The following PSD3 variants were observed in gnomAD, a reference collection of about 807,000 sequenced individuals.
PSD3 encodes the protein pleckstrin and Sec7 domain containing 3.
PSD3 carries 49 observed loss-of-function variants against 105.5 expected under a neutral mutation model. The ratio of observed to expected loss-of-function variants is 0.46; its 90% CI spans 0.37 to 0.59. PSD3 has a LOEUF of 0.59. Among genes scored for constraint, PSD3 ranks in the 20% least tolerant of loss-of-function variants. PSD3 has a pLI of 0.00. For synonymous variants in PSD3, 557 were observed against 457.8 expected, an observed-to-expected ratio of 1.22 and a Z score of -2.77; for missense variants, 1,561 against 1,263.8, an observed-to-expected ratio of 1.24 and a Z score of -3.57.
At chr8:18,859,623 T>G (rs1423003468) in intron 4 of PSD3, among the ~76,000 whole-genome samples, 1 of 152,266 alleles carries the variant, frequency 6.6e-6, no homozygotes, top group Non-Finnish European at 1.5e-5. Context: ...TCTGGATAAC[T>G]CACTGCAGCT....
chr8:18,802,129 G>T (rs966983446), intron 6 of PSD3: 3 of 209,454 alleles, frequency 1.4e-5, no homozygotes, highest in Admixed American at 4.9e-5. Context: ...TCTGTTAATT[G>T]TGTCTGTTAT....
intron 4 of PSD3, chr8:18,864,683 A>G (rs1329254179): frequency 6.6e-6 from 1 of 152,164 alleles, no homozygotes. Context: ...CACAGATGGA[A>G]TGGAGGCATG....
At chr8:18,540,433 G>C (rs1020719692) in intron 15 of PSD3, among the ~76,000 whole-genome samples, 4 of 152,140 alleles carry the variant, frequency 2.6e-5, no homozygotes, top group African/African-American at 9.7e-5. Context: ...TCTAGGAAAT[G>C]ATTAGCACTC....
At chr8:18,703,463 G>A (rs2129417983) in intron 9 of PSD3, among the ~76,000 whole-genome samples, 1 of 152,234 alleles carries the variant, frequency 6.6e-6, no homozygotes, top group South Asian at 2.1e-4. Flanking sequence ...GACTCTGAGG[G>A]GATCAAGCAT....
At chr8:18,720,648 A>G (rs886372934) in intron 9 of PSD3, among the ~76,000 whole-genome samples, 2 of 152,200 alleles carry the variant, frequency 1.3e-5, no homozygotes, top group Non-Finnish European at 2.9e-5. Context: ...AGTAAAATTA[A>G]AAGAAAAATC....
chr8:18,651,474 A>G (rs1481439577), intron 10 of PSD3, among the ~76,000 whole-genome samples: 1 of 152,234 alleles, frequency 6.6e-6, no homozygotes, highest in African/African-American at 2.4e-5. Flanking sequence ...TTATCTTTTA[A>G]GAAATGTGGT....
intron 8 of PSD3, among the ~76,000 whole-genome samples, chr8:18,767,563 T>C (rs765200953): frequency 1.3e-5 from 2 of 151,946 alleles, no homozygotes; most frequent in Non-Finnish European, 2.9e-5. Context: ...CTGCTCAACA[T>C]GGTGAAACCC....
At chr8:18,951,387 G>T (rs531310488) in intron 1 of PSD3, among the ~76,000 whole-genome samples, 1 of 152,210 alleles carries the variant, frequency 6.6e-6, no homozygotes, top group Admixed American at 6.5e-5. Flanking sequence ...GGGTGACAGA[G>T]CAAGACCCTG....
chr8:18,535,402 A>T lies in PSD3; in HGVS notation c.*341T>A, dbSNP rs2129901415. ...GATTAAATTCTTTAACCTTAAAAAA[A>T]AGTTTAACAGTTGATATGAGAATAC... On this transcript the variant is annotated 3_prime_UTR_variant, in exon 16 of 16. Coordinates refer to ENST00000327040, the MANE Select transcript of PSD3 (RefSeq NM_015310.4). The T allele has an allele frequency of 4.3e-6, 1 of 234,678 alleles. No individual in the cohort carries two copies. Among genetic ancestry groups the T allele is most frequent in the South Asian group, 7.8e-5 (1 of 12,800 alleles). 14.5% of individuals were successfully genotyped at this position (234,678 alleles called of 1,614,324 possible). A position where few individuals can be genotyped will look rare whatever the true frequency, so the allele number is the denominator to read the frequency against.
At chr8:18,595,496 G>C (rs954276237) in intron 12 of PSD3, among the ~76,000 whole-genome samples, 6 of 63,498 alleles carry the variant, frequency 9.4e-5, no homozygotes, top group East Asian at 9.3e-4. Flanking sequence ...GATGCAGAGA[G>C]AGAGAGAAAA....
chr8:18,840,622 A>G (rs1044975024), intron 4 of PSD3, among the ~76,000 whole-genome samples: 1 of 152,218 alleles, frequency 6.6e-6, no homozygotes, highest in Non-Finnish European at 1.5e-5. Context: ...GCAGATGAGG[A>G]AAACAAAGCA....
rs182186890 is a variant in PSD3 at position 18,735,990 on chromosome 8, C to G, written c.2172+29459G>C. On this transcript the variant is annotated intron_variant, in intron 9 of 15. Coordinates refer to ENST00000327040, the MANE Select transcript of PSD3 (RefSeq NM_015310.4). ...TAACTATAAATCTAACTAGATATATCTAACTACAAAAAACAATCTAACTAT... is the reference window on the plus strand; with the variant it reads ...TAACTATAAATCTAACTAGATATATGTAACTACAAAAAACAATCTAACTAT... 3.3e-5 allele frequency among the ~76,000 whole-genome samples: 5 copies of G among 152,184 alleles called. No homozygotes were observed. In the East Asian group the frequency reaches 7.7e-4, roughly 23 times the overall value.
chr8:18,998,416 G>A (rs1022180666), intron 1 of PSD3, among the ~76,000 whole-genome samples: 6 of 151,958 alleles, frequency 3.9e-5, no homozygotes, highest in African/African-American at 7.3e-5. Flanking sequence ...GGCCGGGTGC[G>A]GTGGCTCACG....
chr8:18,593,650 T>C (rs1363486724), intron 12 of PSD3, among the ~76,000 whole-genome samples: 1 of 152,118 alleles, frequency 6.6e-6, no homozygotes, highest in Non-Finnish European at 1.5e-5. Flanking sequence ...TTATAAATCA[T>C]GCTGCTATAA....
chr8:18,850,424 A>G (rs1400091186), intron 4 of PSD3, among the ~76,000 whole-genome samples: 1 of 152,190 alleles, frequency 6.6e-6, no homozygotes, highest in African/African-American at 2.4e-5. Flanking sequence ...TGATTACAAA[A>G]CAAAGCGATG....
chr8:18,767,850 C>T (rs541901369), intron 8 of PSD3, among the ~76,000 whole-genome samples: 6 of 152,052 alleles, frequency 3.9e-5, no homozygotes, highest in South Asian at 2.1e-4. Flanking sequence ...TTCAAGGTCA[C>T]GCTATTCTTT....
At chr8:18,955,788 A>G (rs1823531734) in intron 1 of PSD3, among the ~76,000 whole-genome samples, 1 of 138,064 alleles carries the variant, frequency 7.2e-6, no homozygotes, top group Non-Finnish European at 1.7e-5. Context: ...TTTATTTTTA[A>G]GACGGAGTCT....
intron 15 of PSD3, among the ~76,000 whole-genome samples, chr8:18,542,475 T>C (rs1341843083): frequency 1.3e-5 from 2 of 152,204 alleles, no homozygotes; most frequent in South Asian, 2.1e-4. Flanking sequence ...TATTCAAGTA[T>C]TATATCTTCG....
At chr8:19,048,523 A>G (rs1183097244) in intron 1 of PSD3, among the ~76,000 whole-genome samples, 2 of 149,662 alleles carry the variant, frequency 1.3e-5, no homozygotes, top group Non-Finnish European at 3.0e-5. Context: ...TTTAACTGCC[A>G]AAGTGCTAGC....
Sources: gnomAD v4.1 joint callset for allele counts (sites outside exome capture counted in the v4.1 genomes callset) on GRCh38, gnomAD v4.1.1 for gene constraint, MANE v1.5 for transcripts, NCBI Gene and HGNC (gene_info 2026-07-23, HGNC 2026-07-21) for gene names.